The following NBPF9 variants were observed in gnomAD, a reference collection of about 807,000 sequenced individuals.
NBPF9 encodes NBPF family member NBPF9.
Under a neutral mutation model 97.8 loss-of-function variants are expected in NBPF9, and 91 were observed. The ratio of observed to expected loss-of-function variants is 0.93; its 90% CI spans 0.79 to 1.11. The LOEUF (loss-of-function observed/expected upper bound fraction) is 1.11, where lower values mean the gene tolerates loss of function less well. NBPF9 is among the 50% of genes least tolerant of loss of function. The probability of loss-of-function intolerance (pLI) is 0.00; values close to 1 mark genes in which losing one functional copy is unlikely to be tolerated. For synonymous variants in NBPF9, 334 were observed against 359.5 expected, an observed-to-expected ratio of 0.93 and a Z score of 0.80; for missense variants, 992 against 939.5, an observed-to-expected ratio of 1.06 and a Z score of -0.73.
intron 5 of NBPF9, chr1:149,090,429 C>T (rs1481513660): frequency 8.6e-5 from 21 of 243,854 alleles, no homozygotes; most frequent in Non-Finnish European, 1.4e-4. Context: ...TGCTCATTTC[C>T]TATGTACATA....
chr1:149,100,642 A>C (rs587636048), intron 3 of NBPF9, among the ~76,000 whole-genome samples: 87 of 152,036 alleles, frequency 5.7e-4, no homozygotes, highest in Non-Finnish European at 9.0e-4. Context: ...TGTAGTAAAA[A>C]GTGAATCACA....
At chr1:149,090,441 A>G in intron 5 of NBPF9, 1 of 250,278 alleles carries the variant, frequency 4.0e-6, no homozygotes, top group Non-Finnish European at 7.7e-6. Flanking sequence ...ATGTACATAA[A>G]GGGAGGGGAC....
intron 18 of NBPF9, 78 bp downstream of exon 18, chr1:149,065,448 G>C (rs1553249988): frequency 6.2e-7 from 1 of 1,607,420 alleles, no homozygotes; most frequent in Non-Finnish European, 8.5e-7. Context: ...GCCCAACAAG[G>C]GGCACAAGGC....
At chr1:149,071,048 A>T (rs782563325) in exon 16 of NBPF9, 2 of 1,611,282 alleles carry the variant, frequency 1.2e-6, no homozygotes, top group East Asian at 4.5e-5. Context: ...GGCTGGTTGG[A>T]GTCATAAGGG....
Position 149,062,930 on chromosome 1 carries a change from C to G in NBPF9, c.2027-17G>C. On this transcript the variant is annotated splice_polypyrimidine_tract_variant and intron_variant, in intron 20 of 29. Coordinates refer to ENST00000584027, the Ensembl canonical transcript of NBPF9. ...TTTCAATTTCTGCAATAAGTTCAGA[C>G]ATGGACAGTCATATTAAGCTGGTTC... 1.2e-6 allele frequency: 1 copy of G among 864,518 alleles called. No homozygotes were observed. Among genetic ancestry groups the G allele is most frequent in the Non-Finnish European group, 2.0e-6 (1 of 506,534 alleles). The allele number at this position is 864,518 out of a possible 1,614,324, so 53.6% of individuals were successfully genotyped here.
intron 5 of NBPF9, among the ~76,000 whole-genome samples, chr1:149,088,526 T>C (rs2081192620): frequency 6.6e-6 from 1 of 152,200 alleles, no homozygotes; most frequent in African/African-American, 2.4e-5. Flanking sequence ...TAATGTTACC[T>C]GTGGGTTCTT....
intron 11 of NBPF9, among the ~76,000 whole-genome samples, chr1:149,076,190 T>A (rs2079852414): frequency 6.6e-6 from 1 of 151,664 alleles, no homozygotes; most frequent in East Asian, 1.9e-4. Context: ...CTTTTTTAAT[T>A]TTTTTCTTTT....
intron 2 of NBPF9, among the ~76,000 whole-genome samples, chr1:149,101,643 A>G (rs1283109581): frequency 3.3e-5 from 5 of 150,638 alleles, no homozygotes; most frequent in Non-Finnish European, 6.0e-5. Flanking sequence ...CAATACCAGG[A>G]AAATGCAAAA....
intron 4 of NBPF9, among the ~76,000 whole-genome samples, chr1:149,098,068 G>C (rs1330084412): frequency 6.6e-6 from 1 of 151,710 alleles, no homozygotes; most frequent in Non-Finnish European, 1.5e-5. Context: ...GAAAGCTGAA[G>C]AGGAGAAAGC....
intron 19 of NBPF9, among the ~76,000 whole-genome samples, 187 bp downstream of exon 19, chr1:149,064,241 AATG>A (rs1220859078): frequency 1.4e-5 from 2 of 139,696 alleles, no homozygotes; most frequent in African/African-American, 5.8e-5. Context: ...TAGGTTAGTA[AATG>A]ATAAGGGTAG....
At chr1:149,080,028 G>T (rs2080280013) in intron 8 of NBPF9, 25 bp downstream of exon 8, 4 of 1,584,448 alleles carry the variant, frequency 2.5e-6, no homozygotes, top group Non-Finnish European at 3.5e-6. Flanking sequence ...CTACCCGCCT[G>T]CCTCCCCCCA....
intron 5 of NBPF9, among the ~76,000 whole-genome samples, chr1:149,085,403 C>G (rs1309710375): frequency 1.3e-5 from 2 of 152,050 alleles, no homozygotes; most frequent in African/African-American, 4.8e-5. Flanking sequence ...AGAGTAAGTC[C>G]TCCAACTTAT....
intron 17 of NBPF9, among the ~76,000 whole-genome samples, chr1:149,068,164 G>A (rs2152885877): frequency 6.7e-6 from 1 of 149,114 alleles, no homozygotes; most frequent in East Asian, 2.4e-4. Flanking sequence ...ACCAGCCACT[G>A]CAAAAACATG....
chr1:149,054,787 T>C (rs2078102603), exon 30 of NBPF9: 1 of 152,128 alleles, frequency 6.6e-6, no homozygotes, highest in African/African-American at 2.4e-5. Context: ...ATATCTCTTC[T>C]CCTTTTTGTT....
At chr1:149,074,372 A>T (rs1248198442) in intron 12 of NBPF9, among the ~76,000 whole-genome samples, 3 of 151,744 alleles carry the variant, frequency 2.0e-5, no homozygotes, top group African/African-American at 7.2e-5. Context: ...TTTAAGAATC[A>T]TATCTGAAGC....
chr1:149,071,549 T>A, intron 15 of NBPF9, 55 bp downstream of exon 15: 1 of 906,846 alleles, frequency 1.1e-6, no homozygotes, highest in Non-Finnish European at 1.8e-6. Context: ...GTGTGCCTCC[T>A]AGATATTCCT....
chr1:149,063,102 G>T (rs2078745308), intron 20 of NBPF9, among the ~76,000 whole-genome samples, 189 bp from the exon 21 acceptor site: 1 of 142,332 alleles, frequency 7.0e-6, no homozygotes, highest in Non-Finnish European at 1.5e-5. Flanking sequence ...CCCAGAAACT[G>T]TGGGTAAAAT....
chr1:149,062,890 C>G (rs1553650489), exon 21 of NBPF9: 1 of 785,948 alleles, frequency 1.3e-6, no homozygotes, highest in South Asian at 1.3e-5. Context: ...TGGTCTTCTT[C>G]CACTTCTTGG....
intron 5 of NBPF9, chr1:149,090,416 GT>G (rs2081339986): frequency 4.1e-6 from 1 of 241,972 alleles, no homozygotes; most frequent in Admixed American, 5.2e-5. Flanking sequence ...ATGGCCACCT[GT>G]TTGCTCATTT....
Sources: gnomAD v4.1 joint callset for allele counts (sites outside exome capture counted in the v4.1 genomes callset) on GRCh38, gnomAD v4.1.1 for gene constraint, MANE v1.5 for transcripts, NCBI Gene and HGNC (gene_info 2026-07-23, HGNC 2026-07-21) for gene names.